The following GPR21 variants were observed in gnomAD, a reference collection of about 807,000 sequenced individuals.
GPR21 encodes G protein-coupled receptor 21.
In GPR21, 9 loss-of-function variants were observed where a neutral mutation model predicts 21.5. The ratio of observed to expected loss-of-function variants is 0.42; its 90% CI spans 0.25 to 0.73. The LOEUF (loss-of-function observed/expected upper bound fraction) is 0.73. Ranked by LOEUF, GPR21 falls within the 30% of genes least tolerant of loss-of-function variation. The pLI is 0.27. For synonymous variants in GPR21, 169 were observed against 159.3 expected (o/e 1.06, Z -0.46); for missense variants, 416 against 428.9 (o/e 0.97, Z 0.27).
the GPR21 span, among the ~76,000 whole-genome samples, chr9:123,047,571 TA>T: frequency 6.6e-6 from 1 of 152,166 alleles, no homozygotes; most frequent in African/African-American, 2.4e-5. Context: ...TTTATACTTC[TA>T]AAATAAGATA....
downstream of GPR21, among the ~76,000 whole-genome samples, chr9:123,036,477 A>C (rs529287071): frequency 3.9e-5 from 6 of 152,352 alleles, no homozygotes; most frequent in African/African-American, 1.4e-4. Context: ...TTGGCTGTCC[A>C]TTTTATAATG....
At chr9:123,042,083 T>G in the GPR21 span, among the ~76,000 whole-genome samples, 1 of 152,316 alleles carries the variant, frequency 6.6e-6, no homozygotes, top group Non-Finnish European at 1.5e-5. Context: ...AAAGGTGTGC[T>G]TTGTTGCAAA....
chr9:123,035,004 A>AC lies in GPR21; in HGVS notation c.439dup (p.Arg147ProfsTer101), dbSNP rs2032542993. 1 of 1,613,462 alleles carries AC rather than the reference A, an allele frequency of 6.2e-7. No homozygotes were observed. The highest frequency in any genetic ancestry group is 8.5e-7 in the Non-Finnish European group (1 of 1,179,478). ...ATACTCTGGTTACACCCTGGAGACT[A>AC]CGCCTGTGTATTTTCCTGATTTGGC... On this transcript the variant is annotated frameshift_variant, in exon 2 of 2. Transcript: ENST00000616002. LOFTEE classifies it high-confidence loss of function.
the GPR21 span, among the ~76,000 whole-genome samples, chr9:123,045,118 A>G: frequency 6.6e-6 from 1 of 152,344 alleles, no homozygotes; most frequent in South Asian, 2.1e-4. Flanking sequence ...AAGTAATCAT[A>G]TTTTCAAAGT....
the GPR21 span, among the ~76,000 whole-genome samples, chr9:123,045,448 C>T: frequency 6.6e-6 from 1 of 152,108 alleles, no homozygotes; most frequent in Non-Finnish European, 1.5e-5. Flanking sequence ...CTAAGTCATT[C>T]CTACTTAAGT....
rs543549231 is a variant in GPR21, at chr9:123,035,570, C to T, written c.1004C>T (p.Pro335Leu). Residue 335 changes from proline to leucine, a missense_variant, in exon 2 of 2, where the codon CCT becomes CTT. Pro to Leu is a moderately conservative substitution (Grantham distance 98). Transcript: ENST00000616002. ...GCAAGTCAGACTACAGCCAACGACC[C>T]TTACACAGTTAGAAGCAAAGGCCCT... ...SCASQTTANDPYTVRSKGPLN... is the reference protein window; with the variant it reads ...SCASQTTANDLYTVRSKGPLN... 3 of 1,609,110 alleles carry T rather than the reference C, an allele frequency of 1.9e-6. No individual in the cohort carries two copies. Among genetic ancestry groups the T allele is most frequent in the Non-Finnish European group, 2.5e-6 (3 of 1,178,742 alleles).
At chr9:123,043,339 A>G in the GPR21 span, among the ~76,000 whole-genome samples, 1 of 152,172 alleles carries the variant, frequency 6.6e-6, no homozygotes, top group Non-Finnish European at 1.5e-5. Flanking sequence ...AGGAGCAGGA[A>G]CAAAGAAGGC....
chr9:123,040,222 T>C (rs1385683413), downstream of GPR21, among the ~76,000 whole-genome samples: 2 of 152,220 alleles, frequency 1.3e-5, no homozygotes, highest in Non-Finnish European at 2.9e-5. Context: ...CAAGGCTTCC[T>C]GGTGGGCCAC....
chr9:123,038,630 A>C (rs2032793669), downstream of GPR21, among the ~76,000 whole-genome samples: 1 of 152,144 alleles, frequency 6.6e-6, no homozygotes, highest in Admixed American at 6.6e-5. Context: ...GGGAAATTTA[A>C]GAATGGGAAA....
chr9:123,041,723 T>C, the GPR21 span, among the ~76,000 whole-genome samples: 2 of 152,210 alleles, frequency 1.3e-5, no homozygotes, highest in Non-Finnish European at 2.9e-5. Context: ...ACAGAGCTGC[T>C]TTCTAAAGTC....
At chr9:123,036,350 G>A (rs543794740), downstream of GPR21, among the ~76,000 whole-genome samples, 1 of 152,198 alleles carries the variant, frequency 6.6e-6, no homozygotes, top group Non-Finnish European at 1.5e-5. Flanking sequence ...AGAAGTAATC[G>A]TGTAGTACTT....
the GPR21 span, among the ~76,000 whole-genome samples, chr9:123,044,099 T>G: frequency 1.3e-5 from 2 of 151,978 alleles, no homozygotes; most frequent in African/African-American, 4.8e-5. Flanking sequence ...GAGACGGGGT[T>G]TCACCATGTT....
chr9:123,035,165 A>T lies in GPR21; in HGVS notation c.599A>T (p.Tyr200Phe). ...ACCCTGTTCATCGTGATGATGTTAT[A>T]TGCCCCAGCAGCCCTTATTGTCTGC... is the stretch of plus-strand genomic sequence containing the variant. Reference protein sequence around the residue: ...YFTLFIVMMLYAPAALIVCFT... With the variant: ...YFTLFIVMMLFAPAALIVCFT... Residue 200 changes from tyrosine (Y) to phenylalanine (F), a missense_variant, in exon 2 of 2, where the codon TAT becomes TTT. Transcript: ENST00000616002. 1 of 1,614,000 alleles carries T rather than the reference A, an allele frequency of 6.2e-7. No individual in the cohort carries two copies. Among genetic ancestry groups the T allele is most frequent in the Non-Finnish European group, 8.5e-7 (1 of 1,179,914 alleles).
At chr9:123,048,797 C>T in the GPR21 span, among the ~76,000 whole-genome samples, 1 of 152,294 alleles carries the variant, frequency 6.6e-6, no homozygotes, top group South Asian at 2.1e-4. Flanking sequence ...GTATTTCCTG[C>T]TTCTTGGGCC....
chr9:123,043,247 G>C, the GPR21 span, among the ~76,000 whole-genome samples: 1 of 152,144 alleles, frequency 6.6e-6, no homozygotes, highest in Non-Finnish European at 1.5e-5. Context: ...TGACACAGGA[G>C]GATGGTGAAA....
At chr9:123,043,849 T>G in the GPR21 span, among the ~76,000 whole-genome samples, 1 of 152,124 alleles carries the variant, frequency 6.6e-6, no homozygotes, top group Admixed American at 6.6e-5. Context: ...GGGAATTTCA[T>G]TGTAAGCTTT....
At chr9:123,041,457 A>T in the GPR21 span, among the ~76,000 whole-genome samples, 1 of 152,230 alleles carries the variant, frequency 6.6e-6, no homozygotes, top group East Asian at 1.9e-4. Flanking sequence ...AAGTGTTATG[A>T]TTCAAATCCA....
downstream of GPR21, among the ~76,000 whole-genome samples, chr9:123,037,098 T>G (rs1449999756): frequency 6.6e-6 from 1 of 152,144 alleles, no homozygotes; most frequent in Non-Finnish European, 1.5e-5. Context: ...GGTTGTAATC[T>G]GAATGCGACA....
chr9:123,048,154 G>A, the GPR21 span, among the ~76,000 whole-genome samples: 1 of 151,924 alleles, frequency 6.6e-6, no homozygotes, highest in African/African-American at 2.4e-5. Context: ...GGCCAGGCTG[G>A]TCTCGAACTC....
Sources: allele counts gnomAD v4.1 joint callset (sites outside exome capture counted in the v4.1 genomes callset), GRCh38; gene constraint gnomAD v4.1.1; transcripts MANE v1.5; gene names NCBI Gene and HGNC (gene_info 2026-07-23, HGNC 2026-07-21).